The following NLGN1 variants were observed in gnomAD, a reference collection of about 807,000 sequenced individuals.
NLGN1 encodes neuroligin-1.
A neutral mutation model predicts 65.5 loss-of-function variants in NLGN1; 12 were observed. The observed-to-expected ratio is 0.18, with a 90% CI of 0.12 to 0.30. The LOEUF is 0.30. Ranked by LOEUF, NLGN1 falls within the 10% of genes least tolerant of loss-of-function variation. NLGN1 has a pLI of 1.00. For missense variants in NLGN1, 750 were observed against 1,007.1 expected (o/e 0.74, Z 3.46); for synonymous variants, 350 against 359.5 (o/e 0.97, Z 0.30).
At chr3:173,531,823 G>C (rs1040762235) in intron 2 of NLGN1, among the ~76,000 whole-genome samples, 2 of 151,982 alleles carry the variant, frequency 1.3e-5, no homozygotes, top group Non-Finnish European at 2.9e-5. Context: ...CCTTTTCTAA[G>C]TCCTCTGCTC....
intron 2 of NLGN1, among the ~76,000 whole-genome samples, chr3:173,453,049 CG>C (rs1163469035): frequency 6.6e-6 from 1 of 150,978 alleles, no homozygotes; most frequent in Non-Finnish European, 1.5e-5. Flanking sequence ...GCTGACTGAT[CG>C]GGGTGGTAGT....
intron 3 of NLGN1, among the ~76,000 whole-genome samples, chr3:173,749,680 A>T (rs1482887542): frequency 6.6e-6 from 1 of 152,078 alleles, no homozygotes; most frequent in African/African-American, 2.4e-5. Context: ...CAAAAAAAAA[A>T]TAATATTAAC....
intron 4 of NLGN1, among the ~76,000 whole-genome samples, chr3:173,948,238 T>A (rs527715875): frequency 1.5e-4 from 23 of 152,352 alleles, no homozygotes; most frequent in African/African-American, 5.3e-4. Flanking sequence ...ATAATGAGAT[T>A]ATTTACCTCA....
At position 173,586,251 on chromosome 3, in the gene NLGN1, A is replaced by G. The variant is rs563980238; in HGVS notation, c.-320-18028A>G. On this transcript the variant is annotated intron_variant, in intron 2 of 6. Transcript: ENST00000457714. Reference sequence around the variant, plus strand: ...TTTTGTATGTTCTAATCTTTAGAATAAAAGTGTTACCTTTTTTCAGGGATT... The same window carrying G: ...TTTTGTATGTTCTAATCTTTAGAATGAAAGTGTTACCTTTTTTCAGGGATT... 2.6e-5 allele frequency among the ~76,000 whole-genome samples: 4 copies of G among 152,354 alleles called. No individual in the cohort carries two copies. In the South Asian group the frequency reaches 8.3e-4, roughly 32 times the overall value.
intron 4 of NLGN1, among the ~76,000 whole-genome samples, chr3:174,021,330 C>A (rs12492913): frequency 6.6e-6 from 1 of 151,700 alleles, no homozygotes; most frequent in Non-Finnish European, 1.5e-5. Context: ...TAATAAAGTT[C>A]TCATAAAGCA....
intron 2 of NLGN1, among the ~76,000 whole-genome samples, chr3:173,450,734 C>T (rs547254472): frequency 6.1e-4 from 93 of 152,290 alleles, no homozygotes; most frequent in African/African-American, 1.2e-3. Flanking sequence ...CACATAGTCC[C>T]GTATTTCTTG....
intron 4 of NLGN1, among the ~76,000 whole-genome samples, chr3:174,074,810 A>G (rs775592000): frequency 2.6e-5 from 4 of 152,194 alleles, no homozygotes; most frequent in Non-Finnish European, 5.9e-5. Context: ...GCCTAGCTTT[A>G]AAAAGACAAA....
chr3:174,075,708 ATG>A (rs1740764389), intron 4 of NLGN1, among the ~76,000 whole-genome samples: 1 of 152,182 alleles, frequency 6.6e-6, no homozygotes, highest in Non-Finnish European at 1.5e-5. Context: ...CCAGATACTT[ATG>A]TTTCATCATT....
rs148724308 is a variant in NLGN1, at chr3:174,199,528, C to T, written c.647-75787C>T. Among the ~76,000 whole-genome samples the T allele has an allele frequency of 5.8e-3, 875 of 151,862 alleles. 9 individuals are homozygous for T. The highest frequency in any genetic ancestry group is 0.02 in the African/African-American group (834 of 41,346). On this transcript the variant is annotated intron_variant, in intron 4 of 6. Transcript: ENST00000457714. ...AGTGTGGAAGAGTTCACCTAGAGCT[C>T]ACAATCTATGAGGGTCCTTTTCAAG...
At chr3:173,584,452 TC>T (rs1229770284) in intron 2 of NLGN1, 1 of 94,786 alleles carries the variant, frequency 1.1e-5, no homozygotes, top group East Asian at 3.4e-4. Flanking sequence ...GCACCCAGAA[TC>T]CAAAAAAGAT....
At chr3:174,026,350 T>C (rs1029970448) in intron 4 of NLGN1, among the ~76,000 whole-genome samples, 7 of 152,238 alleles carry the variant, frequency 4.6e-5, no homozygotes, top group African/African-American at 1.7e-4. Context: ...AATCTCAAAT[T>C]CCTGGGTTCA....
chr3:173,487,255 A>G (rs1728316943), intron 2 of NLGN1, among the ~76,000 whole-genome samples: 1 of 151,968 alleles, frequency 6.6e-6, no homozygotes, highest in Non-Finnish European at 1.5e-5. Flanking sequence ...TCTTTAAGCC[A>G]TCTATTTTTA....
chr3:173,544,164 A>C (rs141274177), intron 2 of NLGN1, among the ~76,000 whole-genome samples: 9 of 152,202 alleles, frequency 5.9e-5, no homozygotes, highest in African/African-American at 2.2e-4. Flanking sequence ...TAGCATGCCA[A>C]GTCATCATAA....
chr3:173,579,188 A>T (rs954350638), intron 2 of NLGN1, among the ~76,000 whole-genome samples: 1 of 152,254 alleles, frequency 6.6e-6, no homozygotes, highest in African/African-American at 2.4e-5. Context: ...TCATGCTAAA[A>T]TATCTAGTCT....
chr3:173,603,463 G>A (rs373039751), intron 2 of NLGN1, among the ~76,000 whole-genome samples: 177 of 147,082 alleles, frequency 1.2e-3, no homozygotes, highest in African/African-American at 4.1e-3. Flanking sequence ...AACAGACAGT[G>A]AGAAAAAAAC....
chr3:174,139,201 A>G (rs559354242), intron 4 of NLGN1, among the ~76,000 whole-genome samples: 1 of 152,102 alleles, frequency 6.6e-6, no homozygotes, highest in East Asian at 1.9e-4. Context: ...ATATATTGAC[A>G]TATGTACACC....
chr3:174,190,922 AG>A (rs1244441285), intron 4 of NLGN1, among the ~76,000 whole-genome samples: 2 of 152,032 alleles, frequency 1.3e-5, no homozygotes, highest in African/African-American at 4.8e-5. Context: ...GCAAATACGA[AG>A]GGTTTGACTG....
At chr3:173,921,367 G>C (rs894090357) in intron 4 of NLGN1, among the ~76,000 whole-genome samples, 2 of 149,368 alleles carry the variant, frequency 1.3e-5, no homozygotes, top group South Asian at 4.2e-4. Context: ...TGTTTCATTT[G>C]TAGTAATTTA....
At chr3:173,801,504 G>A (rs1715449661) in intron 3 of NLGN1, among the ~76,000 whole-genome samples, 1 of 151,926 alleles carries the variant, frequency 6.6e-6, no homozygotes, top group Admixed American at 6.6e-5. Context: ...GGAACTATGG[G>A]TAAATAAATT....
Sources: allele counts gnomAD v4.1 joint callset (sites outside exome capture counted in the v4.1 genomes callset), GRCh38; gene constraint gnomAD v4.1.1; transcripts MANE v1.5; gene names NCBI Gene and HGNC (gene_info 2026-07-23, HGNC 2026-07-21).